Variants in NFXL1 observed in about 807,000 individuals in gnomAD.
NFXL1 encodes nuclear transcription factor, X-box binding like 1.
A neutral mutation model predicts 123.3 loss-of-function variants in NFXL1; 66 were observed. That is an observed-to-expected ratio of 0.54 (90% confidence interval 0.44 to 0.66). The LOEUF is 0.66. Ranked by LOEUF, NFXL1 falls within the 30% of genes least tolerant of loss-of-function variation. The probability of loss-of-function intolerance (pLI) is 0.00; values close to 1 mark genes in which losing one functional copy is unlikely to be tolerated. For synonymous variants in NFXL1, 346 were observed against 360.8 expected, an observed-to-expected ratio of 0.96 and a Z score of 0.46; for missense variants, 944 against 1,125.6, an observed-to-expected ratio of 0.84 and a Z score of 2.31.
rs1277578222 is a variant in NFXL1 at position 47,898,036 on chromosome 4, C to A, written c.1135G>T (p.Val379Phe). ...TCTCCACAAGCACCAACATGGCAAA[C>A]TTGCTCACATGTGTGATTACCACAT... Reference protein sequence around the residue: ...LPCGNHTCEQVCHVGACGECP... With the variant: ...LPCGNHTCEQFCHVGACGECP... The change falls in exon 9 of 23, where the codon GTT becomes TTT. Residue 379 changes from valine to phenylalanine, a missense_variant. Around this residue, in one of 4 missense-constraint regions of NFXL1, gnomAD observed 296 missense variants for 395.1 expected, o/e 0.75. Coordinates refer to ENST00000507489, the MANE Select transcript of NFXL1 (RefSeq NM_001278624.2). The A allele has an allele frequency of 6.2e-7, 1 of 1,612,716 alleles. No homozygotes were observed. Among genetic ancestry groups the A allele is most frequent in the South Asian group, 1.1e-5 (1 of 90,746 alleles).
In NFXL1 at chr4:47,848,088, T is replaced by C. The variant is rs1733910737; in HGVS notation, c.*75A>G. 2 of 898,258 alleles carry C rather than the reference T, an allele frequency of 2.2e-6. No homozygotes were observed. The highest frequency in any genetic ancestry group is 3.4e-6 in the Non-Finnish European group (2 of 589,932). 55.6% of individuals were successfully genotyped at this position (898,258 alleles called of 1,614,324 possible). ...TAAATATATATCATGTTCTATAATA[T>C]ACATTTTCTAATATTTCAAATTTAA... On this transcript the variant is annotated 3_prime_UTR_variant, in exon 23 of 23. Coordinates refer to ENST00000507489, the MANE Select transcript of NFXL1 (RefSeq NM_001278624.2).
chr4:47,894,330 A>G (rs772691101), intron 10 of NFXL1, 28 bp from the exon 11 acceptor site: 2 of 1,527,048 alleles, frequency 1.3e-6, no homozygotes, highest in South Asian at 1.3e-5. Flanking sequence ...ATGCTATTAA[A>G]ATTGATTTTT....
chr4:47,880,059 T>C (rs1735994820), intron 15 of NFXL1, among the ~76,000 whole-genome samples: 1 of 151,988 alleles, frequency 6.6e-6, no homozygotes, highest in Non-Finnish European at 1.5e-5. Context: ...ATAGACGTCA[T>C]TATACTAAAA....
At chr4:47,879,950 A>T (rs1349137958) in intron 15 of NFXL1, among the ~76,000 whole-genome samples, 1 of 152,222 alleles carries the variant, frequency 6.6e-6, no homozygotes, top group Non-Finnish European at 1.5e-5. Flanking sequence ...TAAATGTAAA[A>T]TGCAAAACTA....
rs1277266996 is a variant in NFXL1, at chr4:47,847,553, T to C, written c.*610A>G. On this transcript the variant is annotated 3_prime_UTR_variant, in exon 23 of 23. Coordinates refer to ENST00000507489, the MANE Select transcript of NFXL1 (RefSeq NM_001278624.2). ...AGTTAAAAGCTTCTTACATAAGAAA[T>C]AGCCACATGTGAGGAATCTAGCCTG... 5 of 152,302 alleles carry C rather than the reference T, an allele frequency of 3.3e-5. No individual in the cohort carries two copies. Among genetic ancestry groups the C allele is most frequent in the East Asian group, 1.9e-4 (1 of 5,208 alleles). The allele number at this position is 152,302 out of a possible 1,614,324, so 9.4% of individuals were successfully genotyped here.
intron 3 of NFXL1, among the ~76,000 whole-genome samples, chr4:47,907,769 T>C (rs987179846): frequency 6.6e-6 from 1 of 152,232 alleles, no homozygotes; most frequent in Admixed American, 6.5e-5. Flanking sequence ...TTCTACATAC[T>C]AGACTGAAAG....
intron 3 of NFXL1, among the ~76,000 whole-genome samples, chr4:47,907,431 T>C (rs547825903): frequency 1.6e-4 from 25 of 152,308 alleles, no homozygotes; most frequent in Admixed American, 5.9e-4. Flanking sequence ...GCCAGCAAGA[T>C]AGAGATACTC....
intron 12 of NFXL1, among the ~76,000 whole-genome samples, chr4:47,888,833 G>A (rs1167101850): frequency 1.3e-5 from 2 of 152,164 alleles, no homozygotes; most frequent in Non-Finnish European, 2.9e-5. Flanking sequence ...AATTTTATTA[G>A]GTTTTTGAGT....
rs1737511777 is a variant in NFXL1 at position 47,905,236 on chromosome 4, C to G, written c.516+1G>C. 1 of 1,397,880 alleles carries G rather than the reference C, an allele frequency of 7.2e-7. No homozygotes were observed. The highest frequency in any genetic ancestry group is 1.0e-6 in the Non-Finnish European group (1 of 991,882). 86.6% of individuals were successfully genotyped at this position (1,397,880 alleles called of 1,614,324 possible). A position where few individuals can be genotyped will look rare whatever the true frequency, so the allele number is the denominator to read the frequency against. On this transcript the variant is annotated splice_donor_variant, in intron 4 of 22. Coordinates refer to ENST00000507489, the MANE Select transcript of NFXL1 (RefSeq NM_001278624.2). LOFTEE classifies it high-confidence loss of function. ...TAATATAAATAAGGAGAAAAACTTA[C>G]TGCTTGGTTTCTCTTCACCGAAGCA...
intron 18 of NFXL1, among the ~76,000 whole-genome samples, chr4:47,873,491 T>C (rs187492361): frequency 1.3e-5 from 2 of 152,320 alleles, no homozygotes; most frequent in Admixed American, 6.5e-5. Flanking sequence ...TTCATCTCCT[T>C]GTATATCTCC....
At chr4:47,861,405 A>C (rs1309895168) in intron 19 of NFXL1, among the ~76,000 whole-genome samples, 2 of 152,178 alleles carry the variant, frequency 1.3e-5, no homozygotes, top group African/African-American at 2.4e-5. Context: ...GGGGCTCCAG[A>C]AGGACCTAGA....
At chr4:47,857,799 A>G (rs1191091806) in intron 19 of NFXL1, among the ~76,000 whole-genome samples, 1 of 152,122 alleles carries the variant, frequency 6.6e-6, no homozygotes, top group Non-Finnish European at 1.5e-5. Context: ...TGGTGAGTCT[A>G]TTAGGTTTTC....
intron 22 of NFXL1, among the ~76,000 whole-genome samples, chr4:47,848,892 A>C (rs1023790840): frequency 6.6e-6 from 1 of 152,096 alleles, no homozygotes; most frequent in Non-Finnish European, 1.5e-5. Flanking sequence ...CCATCTCAAA[A>C]AAATAAATAA....
intron 17 of NFXL1, among the ~76,000 whole-genome samples, chr4:47,875,984 C>T (rs1313206583): frequency 6.6e-6 from 1 of 151,948 alleles, no homozygotes; most frequent in Non-Finnish European, 1.5e-5. Flanking sequence ...TGTTTTCTCA[C>T]GTCATACTTG....
chr4:47,857,360 G>A (rs1734472506), intron 19 of NFXL1, among the ~76,000 whole-genome samples: 1 of 152,126 alleles, frequency 6.6e-6, no homozygotes, highest in South Asian at 2.1e-4. Flanking sequence ...AGGAGAAAGT[G>A]AATAGGGAAG....
At position 47,849,382 on chromosome 4, in the gene NFXL1, T is replaced by C. The variant is rs541715679; in HGVS notation, c.2563-1046A>G. ...AATAATGTAATATAATATGCTATAG[T>C]GCATAGGTAATTAAGACAATAGTTA... is the stretch of plus-strand genomic sequence containing the variant. On this transcript the variant is annotated intron_variant, in intron 22 of 22. Transcript: ENST00000507489. Among the ~76,000 whole-genome samples the C allele has an allele frequency of 6.6e-5, 10 of 152,276 alleles. No individual in the cohort carries two copies. In the South Asian group the frequency reaches 2.1e-3, roughly 32 times the overall value.
At position 47,905,269 on chromosome 4, in the gene NFXL1, T is replaced by C. The variant is rs896263638; in HGVS notation, c.484A>G (p.Ile162Val). 1.9e-6 allele frequency: 3 copies of C among 1,587,476 alleles called. No individual in the cohort carries two copies. The highest frequency in any genetic ancestry group is 1.7e-6 in the Non-Finnish European group (2 of 1,158,226). Residue 162 changes from isoleucine to valine, a missense_variant, in exon 4 of 23, where the codon ATT becomes GTT. Transcript: ENST00000507489. ...TTTCTCTTCACCGAAGCAATACAAA[T>C]TAGGCATGTCATAGCCCCTGCTTGA... ...AFQAGAMTCL[I>V]CIASVKRNQA...
chr4:47,900,855 T>C (rs1235919333), intron 5 of NFXL1, among the ~76,000 whole-genome samples: 1 of 152,238 alleles, frequency 6.6e-6, no homozygotes, highest in African/African-American at 2.4e-5. Context: ...AAGATATTTG[T>C]TCTTGTAATG....
chr4:47,896,987 T>C (rs1318281376), intron 9 of NFXL1, among the ~76,000 whole-genome samples: 1 of 152,204 alleles, frequency 6.6e-6, no homozygotes, highest in Non-Finnish European at 1.5e-5. Flanking sequence ...AAAAACTTGC[T>C]CTGAACTACC....
Sources: gnomAD v4.1 joint callset for allele counts (sites outside exome capture counted in the v4.1 genomes callset) on GRCh38, gnomAD v4.1.1 for gene constraint, gnomAD v4.1.1 regional missense constraint, MANE v1.5 for transcripts, NCBI Gene and HGNC (gene_info 2026-07-23, HGNC 2026-07-21) for gene names.